Variants in COL14A1 observed in about 807,000 individuals in gnomAD.
COL14A1 encodes the protein collagen alpha-1(XIV) chain.
Under a neutral mutation model 230.3 loss-of-function variants are expected in COL14A1, and 136 were observed. That is an observed-to-expected ratio of 0.59 (90% CI 0.51 to 0.68). COL14A1 has a LOEUF of 0.68. Ranked by LOEUF, COL14A1 falls within the 30% of genes least tolerant of loss-of-function variation. The pLI is 0.00. For synonymous variants in COL14A1, 792 were observed against 784.1 expected (o/e 1.01, Z -0.17); for missense variants, 1,976 against 2,215.8 (o/e 0.89, Z 2.17).
At chr8:120,315,096 G>A (rs139167637) in intron 38 of COL14A1, among the ~76,000 whole-genome samples, 268 of 152,220 alleles carry the variant, frequency 1.8e-3, no homozygotes, top group African/African-American at 6.3e-3. Context: ...TTGGCCAGGC[G>A]CAATGGCTCA....
At chr8:120,251,867 AATT>A (rs1189405354) in intron 22 of COL14A1, among the ~76,000 whole-genome samples, 1 of 152,078 alleles carries the variant, frequency 6.6e-6, no homozygotes, top group Non-Finnish European at 1.5e-5. Context: ...TTGGCTTAAG[AATT>A]TTATAACAAT....
In COL14A1 at chr8:120,297,536, T is replaced by A; in HGVS notation, c.4262T>A (p.Val1421Asp). The A allele has an allele frequency of 6.8e-7, 1 of 1,466,892 alleles. No homozygotes were observed. Among genetic ancestry groups the A allele is most frequent in the South Asian group, 1.7e-5 (1 of 58,470 alleles). The allele number at this position is 1,466,892 out of a possible 1,614,324, so 90.9% of individuals were successfully genotyped here. A position where few individuals can be genotyped will look rare whatever the true frequency, so the allele number is the denominator to read the frequency against. ...TTCCAGTTACAGATGTTTGATATTG[T>A]TTGCTCCACATCATGGGCCAATACA... ...APFQLQMFDI[V>D]CSTSWANTDK... Residue 1421 changes from valine to aspartate, a missense_variant, in exon 35 of 48, where the codon GTT becomes GAT. Physicochemically the swap from Val to Asp is radical, Grantham distance 152. Around this residue, in one of 3 missense-constraint regions of COL14A1, gnomAD observed 1,791 missense variants for 2,019.5 expected, o/e 0.89. Coordinates refer to ENST00000297848, the MANE Select transcript of COL14A1 (RefSeq NM_021110.4).
At chr8:120,212,646 G>A in intron 13 of COL14A1, 69 bp downstream of exon 13, 1 of 1,566,994 alleles carries the variant, frequency 6.4e-7, no homozygotes, top group South Asian at 1.1e-5. Flanking sequence ...ATTCTGAATT[G>A]GAACTACTAG....
chr8:120,231,134 C>T (rs1013194929), intron 18 of COL14A1, among the ~76,000 whole-genome samples: 2 of 152,128 alleles, frequency 1.3e-5, no homozygotes, highest in Non-Finnish European at 2.9e-5. Flanking sequence ...GTGAGGTTCT[C>T]ATGACCACTC....
At chr8:120,203,573 AAT>A (rs1437477550) in intron 8 of COL14A1, 134 bp from the exon 9 acceptor site, 3 of 541,148 alleles carry the variant, frequency 5.5e-6, no homozygotes, top group Non-Finnish European at 9.0e-6. Flanking sequence ...TAAAATTTTA[AAT>A]ATATATATAC....
intron 13 of COL14A1, among the ~76,000 whole-genome samples, chr8:120,214,955 C>T (rs1423356445): frequency 1.3e-5 from 2 of 152,178 alleles, no homozygotes; most frequent in Admixed American, 6.5e-5. Flanking sequence ...AAGGCAAGTG[C>T]AGTGGCCTAT....
intron 5 of COL14A1, among the ~76,000 whole-genome samples, chr8:120,182,746 A>G (rs10955958): frequency 0.5 from 47,355 of 94,970 alleles, 8,935 homozygotes; most frequent in Admixed American, 0.59. Context: ...TTTTTTTTTG[A>G]GGTGGAGTCT....
At chr8:120,339,016 C>T (rs1334906330) in intron 42 of COL14A1, among the ~76,000 whole-genome samples, 1 of 152,038 alleles carries the variant, frequency 6.6e-6, no homozygotes, top group African/African-American at 2.4e-5. Context: ...GTAAATCTTA[C>T]TTTTGCAAAA....
Position 120,280,755 on chromosome 8 carries a change from C to T in COL14A1, c.3685+6C>T. The T allele has an allele frequency of 6.2e-7, 1 of 1,612,840 alleles. No homozygotes were observed. The highest frequency in any genetic ancestry group is 8.5e-7 in the Non-Finnish European group (1 of 1,179,512). On this transcript the variant is annotated splice_donor_region_variant and intron_variant, in intron 30 of 47. Coordinates refer to ENST00000297848, the MANE Select transcript of COL14A1 (RefSeq NM_021110.4). ...GGATGGCATTGATCTTGCAGGTATG[C>T]ATTATCACAATCTTTTCAAACACAA...
chr8:120,159,587 A>G (rs1304593572), intron 3 of COL14A1, among the ~76,000 whole-genome samples: 1 of 152,144 alleles, frequency 6.6e-6, no homozygotes, highest in Admixed American at 6.6e-5. Flanking sequence ...ATTAATGTGG[A>G]CGTCTTACTC....
chr8:120,158,271 T>C, intron 3 of COL14A1, 25 bp downstream of exon 3: 1 of 1,329,882 alleles, frequency 7.5e-7, no homozygotes, highest in Non-Finnish European at 1.1e-6. Flanking sequence ...CTTTGTTTTG[T>C]AGAGCATTAG....
At chr8:120,258,818 A>C (rs746171328) in intron 23 of COL14A1, among the ~76,000 whole-genome samples, 32 of 152,260 alleles carry the variant, frequency 2.1e-4, no homozygotes, top group African/African-American at 7.2e-4. Flanking sequence ...GAGGTCCTCC[A>C]TTAGTTCTGC....
At chr8:120,157,770 G>T (rs1189285925) in intron 2 of COL14A1, among the ~76,000 whole-genome samples, 1 of 151,908 alleles carries the variant, frequency 6.6e-6, no homozygotes, top group Non-Finnish European at 1.5e-5. Context: ...TGGATCCTGA[G>T]GTCAGGAGTT....
At position 120,266,813 on chromosome 8, in the gene COL14A1, C is replaced by T. The variant is rs375939672; in HGVS notation, c.3017-14C>T. 215 of 1,608,960 alleles carry T rather than the reference C, an allele frequency of 1.3e-4. No homozygotes were observed. The African/African-American group carries it at 2.7e-3, about 21-fold the overall frequency. On this transcript the variant is annotated splice_polypyrimidine_tract_variant and intron_variant, in intron 24 of 47. Transcript: ENST00000297848. ...AGATGGTGAACTGATGTCCTTTCTC[C>T]CTTTCCTTTACAGAATCACTTCCTA... is the stretch of plus-strand genomic sequence containing the variant.
At chr8:120,130,941 C>G (rs1037191945) in intron 1 of COL14A1, among the ~76,000 whole-genome samples, 1 of 152,104 alleles carries the variant, frequency 6.6e-6, no homozygotes, top group Non-Finnish European at 1.5e-5. Flanking sequence ...TACTGTTTAG[C>G]TCCTACTTAT....
intron 45 of COL14A1, among the ~76,000 whole-genome samples, chr8:120,355,946 C>G (rs1364833180): frequency 1.3e-5 from 2 of 152,210 alleles, no homozygotes; most frequent in East Asian, 3.9e-4. Context: ...ATAGATAATA[C>G]TATTATTTAT....
intron 36 of COL14A1, among the ~76,000 whole-genome samples, chr8:120,307,292 A>C (rs1243134207): frequency 6.6e-6 from 1 of 152,198 alleles, no homozygotes; most frequent in African/African-American, 2.4e-5. Context: ...TGGGGGAAAA[A>C]CTATAATGAA....
At chr8:120,158,094 T>A (rs933955124) in intron 2 of COL14A1, 36 bp from the exon 3 acceptor site, 1 of 1,138,544 alleles carries the variant, frequency 8.8e-7, no homozygotes, top group Non-Finnish European at 1.3e-6. Flanking sequence ...GCTTAAATGT[T>A]ACAATGTTTA....
chr8:120,193,554 G>A (rs1300050486), intron 5 of COL14A1, among the ~76,000 whole-genome samples: 8 of 152,176 alleles, frequency 5.3e-5, no homozygotes, highest in Non-Finnish European at 1.0e-4. Context: ...GCTGCATGCT[G>A]GGAGAACCAC....
Sources: allele counts gnomAD v4.1 joint callset (sites outside exome capture counted in the v4.1 genomes callset), GRCh38; gene constraint gnomAD v4.1.1; regional missense constraint gnomAD v4.1.1; transcripts MANE v1.5; gene names NCBI Gene and HGNC (gene_info 2026-07-23, HGNC 2026-07-21).